The following AXDND1 variants were observed in gnomAD, a reference collection of about 807,000 sequenced individuals.
AXDND1 encodes axonemal dynein light chain domain containing 1.
In AXDND1, 110 loss-of-function variants were observed where a neutral mutation model predicts 137.5. That is an observed-to-expected ratio of 0.80 (90% confidence interval 0.69 to 0.94). AXDND1 has a LOEUF of 0.94. Ranked by LOEUF, AXDND1 falls within the 40% of genes least tolerant of loss-of-function variation. The pLI is 0.00. For synonymous variants in AXDND1, 414 were observed against 399.7 expected (o/e 1.04, Z -0.43); for missense variants, 1,191 against 1,169.8 (o/e 1.02, Z -0.26).
At chr1:179,484,810 A>C (rs771919426) in intron 18 of AXDND1, among the ~76,000 whole-genome samples, 21 of 152,146 alleles carry the variant, frequency 1.4e-4, no homozygotes, top group Non-Finnish European at 2.6e-4. Flanking sequence ...CACACTCCCC[A>C]CCCCATAACC....
In AXDND1 at chr1:179,395,920, G is replaced by C. The variant is rs569048657; in HGVS notation, c.1109+718G>C. On this transcript the variant is annotated intron_variant, in intron 11 of 25. Transcript: ENST00000367618. Reference sequence around the variant, plus strand: ...ATGGTGGTTCACGCCTGTAATCCCAGCACTTTGGGAGGCTGAGGCAGGTGG... The same window carrying C: ...ATGGTGGTTCACGCCTGTAATCCCACCACTTTGGGAGGCTGAGGCAGGTGG... Among the ~76,000 whole-genome samples, 4 of 152,260 alleles carry C rather than the reference G, an allele frequency of 2.6e-5. No individual in the cohort carries two copies. In the South Asian group the frequency reaches 8.3e-4, roughly 32 times the overall value.
chr1:179,372,829 A>G (rs1475650816), intron 4 of AXDND1, among the ~76,000 whole-genome samples: 2 of 151,990 alleles, frequency 1.3e-5, no homozygotes, highest in Admixed American at 6.6e-5. Context: ...GACTACAGGC[A>G]TGCACCACCA....
intron 17 of AXDND1, among the ~76,000 whole-genome samples, chr1:179,478,982 C>T (rs976432427): frequency 6.6e-6 from 1 of 152,004 alleles, no homozygotes; most frequent in Non-Finnish European, 1.5e-5. Flanking sequence ...TGCCTGTAGT[C>T]CCAGCTACTC....
intron 13 of AXDND1, 58 bp from the exon 14 acceptor site, chr1:179,430,394 T>TAGTC: frequency 7.7e-7 from 1 of 1,300,586 alleles, no homozygotes; most frequent in Non-Finnish European, 1.1e-6. Context: ...TATATGTTAA[T>TAGTC]GACTATTTGT....
In AXDND1 at chr1:179,526,571, A is replaced by G. The variant is rs185860322; in HGVS notation, c.2610+1124A>G. Reference sequence around the variant, plus strand: ...GCCTAACACTCTCTACAATGTCTTGATTTACTTCTTTGATATATTTCTTCT... The same window carrying G: ...GCCTAACACTCTCTACAATGTCTTGGTTTACTTCTTTGATATATTTCTTCT... On this transcript the variant is annotated intron_variant, in intron 22 of 25. Transcript: ENST00000367618. Among the ~76,000 whole-genome samples, 5 of 152,216 alleles carry G rather than the reference A, an allele frequency of 3.3e-5. No individual in the cohort carries two copies. In the East Asian group the frequency reaches 5.8e-4, roughly 18 times the overall value.
Position 179,379,462 on chromosome 1 carries a change from A to G in AXDND1, c.561A>G (p.Ser187=). The part of the protein sequence containing the change: ...EFHIVSSTGV[S]GLECYDDKYT... The stretch of plus-strand genomic sequence containing the variant: ...ATATTGTGTCAAGTACAGGAGTTTC[A>G]GGTTTGGAGTGTTATGATGAGTGAG... Residue 187 remains serine, a synonymous_variant, in exon 6 of 26, where the codon TCA becomes TCG. Transcript: ENST00000367618. The G allele has an allele frequency of 6.2e-7, 1 of 1,613,398 alleles. No individual in the cohort carries two copies. Among genetic ancestry groups the G allele is most frequent in the Non-Finnish European group, 8.5e-7 (1 of 1,179,632 alleles).
intron 21 of AXDND1, among the ~76,000 whole-genome samples, chr1:179,519,470 G>T (rs1325157445): frequency 2.6e-5 from 4 of 152,090 alleles, no homozygotes; most frequent in African/African-American, 4.8e-5. Context: ...CCGTTTCTAT[G>T]TCCAGAATGG....
rs1290278664 is a variant in AXDND1, at chr1:179,372,929, C to T, written c.374+2851C>T. Among the ~76,000 whole-genome samples, 9 of 152,068 alleles carry T rather than the reference C, an allele frequency of 5.9e-5. No homozygotes were observed. In the East Asian group the frequency reaches 1.2e-3, roughly 20 times the overall value. On this transcript the variant is annotated intron_variant, in intron 4 of 25. Transcript: ENST00000367618. ...AACTCCTGACCTCAGGTGATCCACC[C>T]GCCTCGGCCTCTCAAAGTGCTGGGA...
At chr1:179,405,047 A>G (rs920148586) in intron 11 of AXDND1, among the ~76,000 whole-genome samples, 7 of 151,894 alleles carry the variant, frequency 4.6e-5, no homozygotes, top group African/African-American at 1.7e-4. Context: ...TGCATTAGGT[A>G]TTTGTCCTAA....
At chr1:179,408,968 CTTTTTT>C (rs74384865) in intron 11 of AXDND1, among the ~76,000 whole-genome samples, 15,136 of 126,326 alleles carry the variant, frequency 0.12, 786 homozygotes, top group East Asian at 0.31. Context: ...TTTTTTCTTT[CTTTTTT>C]TTTTTTTTTT....
At chr1:179,414,332 A>G (rs1489354526) in intron 12 of AXDND1, among the ~76,000 whole-genome samples, 1 of 152,128 alleles carries the variant, frequency 6.6e-6, no homozygotes, top group Non-Finnish European at 1.5e-5. Context: ...AAAGCAAACT[A>G]AAAGGAGAGC....
chr1:179,484,400 G>A (rs1413270531), intron 18 of AXDND1, among the ~76,000 whole-genome samples: 2 of 152,142 alleles, frequency 1.3e-5, no homozygotes, highest in Non-Finnish European at 2.9e-5. Context: ...AATACAGGGT[G>A]ATCTTGCCCC....
chr1:179,552,963 C>T (rs926563313), intron 25 of AXDND1, among the ~76,000 whole-genome samples: 6 of 152,146 alleles, frequency 3.9e-5, no homozygotes, highest in South Asian at 2.1e-4. Flanking sequence ...TCAGTTTTTC[C>T]GCTTAGGATA....
chr1:179,430,332 T>A (rs1423378696), intron 13 of AXDND1, 120 bp from the exon 14 acceptor site: 2 of 787,718 alleles, frequency 2.5e-6, no homozygotes, highest in African/African-American at 3.5e-5. Flanking sequence ...TTTCAATTTT[T>A]AATCAATTTT....
chr1:179,485,219 G>A (rs755526103), intron 18 of AXDND1, among the ~76,000 whole-genome samples: 2 of 152,188 alleles, frequency 1.3e-5, no homozygotes, highest in African/African-American at 4.8e-5. Context: ...GCTGCTCCTG[G>A]CATGTGTAAA....
intron 21 of AXDND1, among the ~76,000 whole-genome samples, chr1:179,512,258 T>G (rs764010761): frequency 6.6e-6 from 1 of 152,210 alleles, no homozygotes; most frequent in Non-Finnish European, 1.5e-5. Flanking sequence ...GAGATGAGGA[T>G]CCAGTTTCGT....
At chr1:179,468,932 A>T (rs1205636654) in intron 17 of AXDND1, among the ~76,000 whole-genome samples, 1 of 145,812 alleles carries the variant, frequency 6.9e-6, no homozygotes, top group African/African-American at 2.5e-5. Flanking sequence ...GTTATGAACA[A>T]TTTTTTTTTT....
At position 179,532,892 on chromosome 1, in the gene AXDND1, GAAAAAGAATA is replaced by G. The variant is rs1671157208; in HGVS notation, c.2716-900_2716-891del. The G allele has an allele frequency of 2.5e-5, 3 of 117,912 alleles. No individual in the cohort carries two copies. The Admixed American group carries it at 2.9e-4, about 12-fold the overall frequency. The allele number at this position is 117,912 out of a possible 1,614,324, so 7.3% of individuals were successfully genotyped here. A position where few individuals can be genotyped will look rare whatever the true frequency, so the allele number is the denominator to read the frequency against. On this transcript the variant is annotated intron_variant, in intron 23 of 25. Transcript: ENST00000367618. The stretch of plus-strand genomic sequence containing the variant: ...AGAGCAAGATCCAGTCTCTATAAAA[GAAAAAGAATA>G]AATAAATAAATAAATAAATAAATAA...
rs944690042 is a variant in AXDND1, at chr1:179,532,988, G to A, written c.2716-807G>A. On this transcript the variant is annotated intron_variant, in intron 23 of 25. Coordinates refer to ENST00000367618, the MANE Select transcript of AXDND1 (RefSeq NM_144696.6). ...CTTTTAGAAAAAGGTATAGTGGTAT[G>A]ATGGGATGTGTGATTGAGGATGAGA... is the stretch of plus-strand genomic sequence containing the variant. 3.3e-5 allele frequency: 5 copies of A among 152,246 alleles called. No individual in the cohort carries two copies. In the East Asian group the frequency reaches 5.8e-4, roughly 18 times the overall value. The allele number at this position is 152,246 out of a possible 1,614,324, so 9.4% of individuals were successfully genotyped here.
Sources: allele counts gnomAD v4.1 joint callset (sites outside exome capture counted in the v4.1 genomes callset), GRCh38; gene constraint gnomAD v4.1.1; transcripts MANE v1.5; gene names NCBI Gene and HGNC (gene_info 2026-07-23, HGNC 2026-07-21).